The following MRPS9 variants were observed in gnomAD, a reference collection of about 807,000 sequenced individuals.
MRPS9 encodes mitochondrial ribosomal protein S9, also known as small ribosomal subunit protein uS9m.
Under a neutral mutation model 59.9 loss-of-function variants are expected in MRPS9, and 45 were observed. That is an observed-to-expected ratio of 0.75 (90% CI 0.59 to 0.96). MRPS9 has a LOEUF of 0.96. MRPS9 is among the 40% of genes least tolerant of loss of function. The pLI is 0.00. For synonymous variants in MRPS9, 171 were observed against 166.8 expected (o/e 1.03, Z -0.19); for missense variants, 473 against 481.1 (o/e 0.98, Z 0.16).
At chr2:105,043,094 T>G (rs919225879) in intron 1 of MRPS9, among the ~76,000 whole-genome samples, 1 of 152,202 alleles carries the variant, frequency 6.6e-6, no homozygotes, top group African/African-American at 2.4e-5. Context: ...TCTAACAGAA[T>G]GAACAGTAAT....
At chr2:105,087,125 T>C (rs997355833) in intron 5 of MRPS9, among the ~76,000 whole-genome samples, 3 of 152,194 alleles carry the variant, frequency 2.0e-5, no homozygotes, top group East Asian at 3.9e-4. Flanking sequence ...TTACTTTCAG[T>C]AGAGTAACAG....
chr2:105,051,624 T>A (rs1291608193), intron 2 of MRPS9, among the ~76,000 whole-genome samples: 1 of 152,228 alleles, frequency 6.6e-6, no homozygotes, highest in Non-Finnish European at 1.5e-5. Flanking sequence ...AGATAGATTT[T>A]GAGAGTATTC....
At chr2:105,084,710 G>T (rs895611141) in intron 5 of MRPS9, among the ~76,000 whole-genome samples, 3 of 152,124 alleles carry the variant, frequency 2.0e-5, no homozygotes, top group African/African-American at 7.2e-5. Flanking sequence ...ACAAACTGAT[G>T]CTAAAATATA....
chr2:105,075,669 G>C (rs1054063898), intron 4 of MRPS9, among the ~76,000 whole-genome samples: 1 of 152,084 alleles, frequency 6.6e-6, no homozygotes, highest in Non-Finnish European at 1.5e-5. Flanking sequence ...ACCAAGTAAA[G>C]CTTTATATTA....
In MRPS9 at chr2:105,044,157, A is replaced by T. The variant is rs572034446; in HGVS notation, c.136-5014A>T. ...CACCATGTTGGCCAGGCTAGTGTCG[A>T]ACTCCTGACAGTTGATCCGCCCACT... On this transcript the variant is annotated intron_variant, in intron 1 of 10. Coordinates refer to ENST00000258455, the MANE Select transcript of MRPS9 (RefSeq NM_182640.3). Among the ~76,000 whole-genome samples the T allele has an allele frequency of 3.9e-5, 6 of 152,164 alleles. No individual in the cohort carries two copies. The East Asian group carries it at 1.2e-3, about 29-fold the overall frequency.
At chr2:105,056,107 C>T (rs1679786853) in intron 2 of MRPS9, among the ~76,000 whole-genome samples, 1 of 151,048 alleles carries the variant, frequency 6.6e-6, no homozygotes, top group Admixed American at 6.6e-5. Context: ...TAAAAACCTT[C>T]TATGTTATGT....
chr2:105,044,145 A>C (rs988971859), intron 1 of MRPS9, among the ~76,000 whole-genome samples: 2 of 151,812 alleles, frequency 1.3e-5, no homozygotes, highest in Admixed American at 6.6e-5. Context: ...CATGTTGGCC[A>C]GGCTAGTGTC....
intron 9 of MRPS9, among the ~76,000 whole-genome samples, chr2:105,096,102 G>GA (rs1158311056): frequency 2.0e-5 from 3 of 152,084 alleles, no homozygotes; most frequent in African/African-American, 7.2e-5. Flanking sequence ...TGTTGTTGTA[G>GA]GAGTTATGTC....
intron 2 of MRPS9, among the ~76,000 whole-genome samples, chr2:105,049,560 A>G (rs1214376194): frequency 6.6e-6 from 1 of 152,204 alleles, no homozygotes; most frequent in African/African-American, 2.4e-5. Flanking sequence ...GTTACCTAGA[A>G]ATGAGTCTAT....
At chr2:105,073,952 G>A (rs1431109355) in intron 4 of MRPS9, among the ~76,000 whole-genome samples, 1 of 152,044 alleles carries the variant, frequency 6.6e-6, no homozygotes, top group Non-Finnish European at 1.5e-5. Flanking sequence ...TCTATGCAGA[G>A]GCCTATGGAC....
chr2:105,049,117 A>C, intron 1 of MRPS9, 54 bp from the exon 2 acceptor site: 1 of 1,203,494 alleles, frequency 8.3e-7, no homozygotes, highest in South Asian at 1.4e-5. Context: ...ACAATGGCCT[A>C]GAAGATCACA....
rs1383617171 is a variant in MRPS9, at chr2:105,071,437, A to G, written c.379-22A>G. The G allele has an allele frequency of 1.9e-6, 3 of 1,590,490 alleles. No homozygotes were observed. In the African/African-American group the frequency reaches 4.1e-5, roughly 21 times the overall value. On this transcript the variant is annotated intron_variant, in intron 3 of 10. Coordinates refer to ENST00000258455, the MANE Select transcript of MRPS9 (RefSeq NM_182640.3). ...TTATATGTTATGATAATTATCTAAT[A>G]CATTATTAATTTATTTTACAGCATC...
chr2:105,079,235 C>T (rs1282069906), intron 4 of MRPS9, among the ~76,000 whole-genome samples: 1 of 152,194 alleles, frequency 6.6e-6, no homozygotes, highest in East Asian at 1.9e-4. Flanking sequence ...TTTACAACTT[C>T]TGTAATGGAC....
intron 4 of MRPS9, among the ~76,000 whole-genome samples, chr2:105,074,164 A>T (rs1239590295): frequency 6.6e-6 from 1 of 152,212 alleles, no homozygotes; most frequent in Non-Finnish European, 1.5e-5. Flanking sequence ...ACATTGTATT[A>T]TACAGAGACA....
At chr2:105,069,649 C>T (rs914099207) in intron 2 of MRPS9, among the ~76,000 whole-genome samples, 8 of 152,178 alleles carry the variant, frequency 5.3e-5, no homozygotes, top group African/African-American at 1.9e-4. Context: ...AGCCCTCTCA[C>T]TCATTTGGAG....
At chr2:105,063,166 C>T (rs1025324506) in intron 2 of MRPS9, among the ~76,000 whole-genome samples, 4 of 152,138 alleles carry the variant, frequency 2.6e-5, no homozygotes, top group Non-Finnish European at 4.4e-5. Context: ...GCTCCTTGGG[C>T]GTCTGAGGCA....
intron 5 of MRPS9, among the ~76,000 whole-genome samples, chr2:105,088,453 A>C (rs1242589604): frequency 2.0e-5 from 3 of 152,138 alleles, no homozygotes; most frequent in Non-Finnish European, 4.4e-5. Flanking sequence ...ATAGGAGGAA[A>C]TCAAATAAAA....
At chr2:105,073,102 T>TTTC (rs967807154) in intron 4 of MRPS9, among the ~76,000 whole-genome samples, 13 of 152,098 alleles carry the variant, frequency 8.5e-5, no homozygotes, top group Admixed American at 2.6e-4. Flanking sequence ...GTGATTTTTT[T>TTTC]TTCTTCTTCT....
chr2:105,072,815 AATG>A (rs1312228910), intron 4 of MRPS9, among the ~76,000 whole-genome samples: 9 of 152,182 alleles, frequency 5.9e-5, no homozygotes, highest in Non-Finnish European at 8.8e-5. Context: ...CACTCTTGGA[AATG>A]ATAACTTTTA....
Sources: allele counts gnomAD v4.1 joint callset (sites outside exome capture counted in the v4.1 genomes callset), GRCh38; gene constraint gnomAD v4.1.1; transcripts MANE v1.5; gene names NCBI Gene and HGNC (gene_info 2026-07-23, HGNC 2026-07-21).